CABIN1: variants seen among roughly 807,000 people sequenced by gnomAD.
CABIN1 encodes the protein calcineurin binding protein 1.
CABIN1 carries 133 observed loss-of-function variants against 227.7 expected under a neutral mutation model. That is an observed-to-expected ratio of 0.58 (90% CI 0.51 to 0.67). The LOEUF is 0.67. Among genes scored for constraint, CABIN1 ranks in the 30% least tolerant of loss-of-function variants. The probability of loss-of-function intolerance (pLI) is 0.00; values close to 1 mark genes in which losing one functional copy is unlikely to be tolerated. For missense variants in CABIN1, 2,408 were observed against 2,852.5 expected, an observed-to-expected ratio of 0.84 and a Z score of 3.55; for synonymous variants, 1,086 against 1,155.1, an observed-to-expected ratio of 0.94 and a Z score of 1.21.
At chr22:24,031,894 A>T (rs2036526818) in intron 1 of CABIN1, among the ~76,000 whole-genome samples, 1 of 152,202 alleles carries the variant, frequency 6.6e-6, no homozygotes, top group Non-Finnish European at 1.5e-5. Context: ...ATTTGGAGTA[A>T]TGTCTTTGTA....
At chr22:24,026,190 C>A (rs1028847975) in intron 1 of CABIN1, among the ~76,000 whole-genome samples, 9 of 152,044 alleles carry the variant, frequency 5.9e-5, no homozygotes, top group African/African-American at 1.4e-4. Flanking sequence ...CCCAGGCTGG[C>A]CTCAAACTCC....
intron 1 of CABIN1, among the ~76,000 whole-genome samples, chr22:24,022,891 A>AT (rs1420560543): frequency 1.3e-5 from 2 of 152,126 alleles, no homozygotes; most frequent in South Asian, 2.1e-4. Flanking sequence ...TCTTTTGCCC[A>AT]TTTTTTAATT....
intron 24 of CABIN1, among the ~76,000 whole-genome samples, chr22:24,093,576 A>C (rs1040433038): frequency 6.7e-6 from 1 of 150,066 alleles, no homozygotes; most frequent in African/African-American, 2.5e-5. Flanking sequence ...TCATTTAAAA[A>C]AAAATGTTTG....
chr22:24,100,649 G>T, intron 26 of CABIN1, among the ~76,000 whole-genome samples: 1 of 152,200 alleles, frequency 6.6e-6, no homozygotes, highest in Non-Finnish European at 1.5e-5. Context: ...AGGGTGATGG[G>T]TGCTTCTAGC....
chr22:24,157,515 G>T (rs976502128), intron 29 of CABIN1, among the ~76,000 whole-genome samples: 17 of 152,174 alleles, frequency 1.1e-4, no homozygotes, highest in African/African-American at 3.6e-4. Context: ...CTCCCTGCAG[G>T]CTGGCTGCCC....
At chr22:24,150,648 A>G (rs779416441) in intron 29 of CABIN1, among the ~76,000 whole-genome samples, 1 of 152,164 alleles carries the variant, frequency 6.6e-6, no homozygotes, top group African/African-American at 2.4e-5. Context: ...AGACCAAGAG[A>G]GTGCTGAGGT....
chr22:24,084,585 C>A lies in CABIN1; in HGVS notation c.2917C>A (p.Leu973Ile). The A allele has an allele frequency of 6.2e-7, 1 of 1,613,466 alleles. No individual in the cohort carries two copies. The highest frequency in any genetic ancestry group is 8.5e-7 in the Non-Finnish European group (1 of 1,179,532). Residue 973 changes from leucine (L) to isoleucine (I), a missense_variant, in exon 21 of 37, where the codon CTT becomes ATT. Leu to Ile is a conservative substitution (Grantham distance 5). This residue lies in a region of CABIN1 where 649 missense variants were observed against 910.3 expected (regional missense o/e 0.71). Coordinates refer to ENST00000263119, the MANE Select transcript of CABIN1 (RefSeq NM_012295.4). ...CTTCTGTCTTTTTTTCAAGGTGGAT[C>A]TTATATGGGAGGATGCACTGTTCAT... ...LEEHSAQQVDLIWEDALFMFE... is the reference protein window; with the variant it reads ...LEEHSAQQVDIIWEDALFMFE...
In CABIN1 at chr22:24,076,205, T is replaced by C. The variant is rs1482442474; in HGVS notation, c.2669T>C (p.Met890Thr). Reference protein sequence around the residue: ...SETPMLPSSLMLLNTAHEYLG... With the variant: ...SETPMLPSSLTLLNTAHEYLG... The stretch of plus-strand genomic sequence containing the variant: ...ACGCCCATGCTCCCATCCTCCCTCA[T>C]GCTGCTGAACACAGCCCACGAGTAT... Residue 890 changes from methionine (M) to threonine (T), a missense_variant, in exon 19 of 37, where the codon ATG (methionine) becomes ACG (threonine). Physicochemically the swap from Met to Thr is moderately conservative, Grantham distance 81. Transcript: ENST00000263119. The C allele has an allele frequency of 1.2e-6, 2 of 1,614,184 alleles. No homozygotes were observed. The highest frequency in any genetic ancestry group is 1.7e-6 in the Non-Finnish European group (2 of 1,180,010).
At chr22:24,059,093 G>A (rs894951903) in intron 10 of CABIN1, 134 bp from the exon 11 acceptor site, 7 of 1,111,226 alleles carry the variant, frequency 6.3e-6, no homozygotes, top group Non-Finnish European at 8.0e-6. Context: ...GGAGGCCTGG[G>A]TTCTGGACCC....
chr22:24,117,552 G>A (rs200310660), intron 27 of CABIN1, among the ~76,000 whole-genome samples: 1 of 148,570 alleles, frequency 6.7e-6, no homozygotes, highest in South Asian at 2.1e-4. Context: ...TTTTGGGGGG[G>A]GGGTTAGGTT....
Position 24,146,016 on chromosome 22 carries a change from C to T in CABIN1, c.4746+11601C>T, listed in dbSNP as rs552527377. Among the ~76,000 whole-genome samples the T allele has an allele frequency of 3.9e-5, 6 of 152,264 alleles. No individual in the cohort carries two copies. The East Asian group carries it at 1.2e-3, about 29-fold the overall frequency. On this transcript the variant is annotated intron_variant, in intron 29 of 36. Coordinates refer to ENST00000263119, the MANE Select transcript of CABIN1 (RefSeq NM_012295.4). ...GCTGTGACCTAGGCAGGTCATCTGG[C>T]CTCTCTGAGTACCTCCTCTATCACT...
chr22:24,082,348 C>G (rs1601966134), intron 19 of CABIN1, among the ~76,000 whole-genome samples: 1 of 152,248 alleles, frequency 6.6e-6, no homozygotes, highest in South Asian at 2.1e-4. Context: ...CCTCGGCCTC[C>G]CAAAGTGCTG....
Position 24,091,747 on chromosome 22 carries a change from C to T in CABIN1, c.3690C>T (p.Tyr1230=), listed in dbSNP as rs745414043. 3.1e-6 allele frequency: 5 copies of T among 1,614,006 alleles called. No individual in the cohort carries two copies. The highest frequency in any genetic ancestry group is 1.3e-5 in the African/African-American group (1 of 74,940). The change falls in exon 24 of 37, where the codon TAC becomes TAT. Residue 1230 remains tyrosine, a synonymous_variant. Transcript: ENST00000263119. ...CACCCACCGTTTACTTGCTGCACTA[C>T]AGGCAGGCTGGCCACTACCTGCACG... is the stretch of plus-strand genomic sequence containing the variant. ...QQPPTVYLLH[Y]RQAGHYLHEE... is the part of the protein sequence containing the mutation.
At chr22:24,121,839 C>G (rs560179286) in intron 28 of CABIN1, among the ~76,000 whole-genome samples, 4 of 152,360 alleles carry the variant, frequency 2.6e-5, no homozygotes, top group African/African-American at 9.6e-5. Flanking sequence ...CATGCAGCCC[C>G]CTCCAGCTGT....
intron 1 of CABIN1, among the ~76,000 whole-genome samples, chr22:24,024,808 AG>A (rs2035968250): frequency 6.6e-6 from 1 of 151,686 alleles, no homozygotes; most frequent in South Asian, 2.1e-4. Flanking sequence ...TTGAATTTTC[AG>A]TTGTATTTTT....
intron 1 of CABIN1, among the ~76,000 whole-genome samples, chr22:24,022,011 A>G (rs2035761007): frequency 6.6e-6 from 1 of 152,220 alleles, no homozygotes; most frequent in Admixed American, 6.5e-5. Flanking sequence ...TCATATCATC[A>G]GTGTGAATTG....
rs763195172 is a variant in CABIN1, at chr22:24,176,250, A to G, written c.6180A>G (p.Thr2060=). The change falls in exon 35 of 37, where the codon ACA becomes ACG. Residue 2060 remains threonine, a synonymous_variant. Coordinates refer to ENST00000263119, the MANE Select transcript of CABIN1 (RefSeq NM_012295.4). The part of the protein sequence containing the change: ...HCWPAEAALG[T]GAEPTCSQEG... ...GGCCGGCAGAGGCTGCCCTGGGCACAGGCGCTGAGCCCACCTGCAGCCAGG... is the reference window on the plus strand; with the variant it reads ...GGCCGGCAGAGGCTGCCCTGGGCACGGGCGCTGAGCCCACCTGCAGCCAGG... 1.9e-6 allele frequency: 3 copies of G among 1,605,770 alleles called. No individual in the cohort carries two copies. Among genetic ancestry groups the G allele is most frequent in the Non-Finnish European group, 2.5e-6 (3 of 1,177,390 alleles).
At position 24,177,899 on chromosome 22, in the gene CABIN1, G is replaced by A; in HGVS notation, c.6519+82G>A. 2.8e-6 allele frequency: 4 copies of A among 1,450,126 alleles called. No individual in the cohort carries two copies. Among genetic ancestry groups the A allele is most frequent in the Non-Finnish European group, 1.9e-6 (2 of 1,057,676 alleles). 89.8% of individuals were successfully genotyped at this position (1,450,126 alleles called of 1,614,324 possible). A position where few individuals can be genotyped will look rare whatever the true frequency, so the allele number is the denominator to read the frequency against. On this transcript the variant is annotated intron_variant, in intron 36 of 36. Transcript: ENST00000263119. This position sits in a 1 kb window ranked among gnomAD's most constrained non-coding sequence, Gnocchi z 4.4. ...GGGGCCTAGGATGGGGGTGGGGGTG[G>A]CAGGAGGGCCTGGGGTGTGGGTGAG...
rs376294410 is a variant in CABIN1, at chr22:24,112,690, C to T, written c.4118-876C>T. Reference sequence around the variant, plus strand: ...GTGGTGCTTTCTCAGTGATTCTGCCCGTCCTTCAGTGGTAGGAGACCTCTA... The same window carrying T: ...GTGGTGCTTTCTCAGTGATTCTGCCTGTCCTTCAGTGGTAGGAGACCTCTA... On this transcript the variant is annotated intron_variant, in intron 26 of 36. Coordinates refer to ENST00000263119, the MANE Select transcript of CABIN1 (RefSeq NM_012295.4). Among the ~76,000 whole-genome samples the T allele has an allele frequency of 9.2e-4, 140 of 152,244 alleles. 3 individuals are homozygous for T. The South Asian group carries it at 0.027, about 29-fold the overall frequency.
Sources: allele counts gnomAD v4.1 joint callset (sites outside exome capture counted in the v4.1 genomes callset), GRCh38; gene constraint gnomAD v4.1.1; regional missense constraint gnomAD v4.1.1; non-coding constraint Gnocchi (gnomAD v3.1); transcripts MANE v1.5; gene names NCBI Gene and HGNC (gene_info 2026-07-23, HGNC 2026-07-21).